The following AUTS2 variants were observed in gnomAD, a reference collection of about 807,000 sequenced individuals.
AUTS2 encodes the protein activator of transcription and developmental regulator AUTS2, also known as autism susceptibility gene 2 protein.
In AUTS2, 17 loss-of-function variants were observed where a neutral mutation model predicts 112.4. The ratio of observed to expected loss-of-function variants is 0.15; its 90% CI spans 0.10 to 0.23. AUTS2 has a LOEUF of 0.23. AUTS2 is among the 10% of genes least tolerant of loss of function. The pLI is 1.00. For missense variants in AUTS2, 1,510 were observed against 1,701.6 expected (o/e 0.89, Z 1.98); for synonymous variants, 751 against 702.7 (o/e 1.07, Z -1.09).
At chr7:70,129,616 A>C (rs1165970910) in intron 3 of AUTS2, among the ~76,000 whole-genome samples, 1 of 152,156 alleles carries the variant, frequency 6.6e-6, no homozygotes, top group Non-Finnish European at 1.5e-5. Flanking sequence ...ACTATGTTAA[A>C]AGGATTGGAG....
chr7:70,507,930 A>G (rs1799033147), intron 5 of AUTS2, among the ~76,000 whole-genome samples: 1 of 152,240 alleles, frequency 6.6e-6, no homozygotes, highest in South Asian at 2.1e-4. Context: ...TGTGGACACA[A>G]ATACCAAAAA....
chr7:70,754,557 T>C (rs573084525), intron 6 of AUTS2, among the ~76,000 whole-genome samples: 152 of 152,370 alleles, frequency 1.0e-3, no homozygotes, highest in Non-Finnish European at 1.7e-3. Flanking sequence ...AGAAATTTGA[T>C]ATTTCCATAT....
intron 5 of AUTS2, among the ~76,000 whole-genome samples, chr7:70,546,696 A>C (rs1286830371): frequency 2.0e-5 from 3 of 146,790 alleles, no homozygotes; most frequent in Non-Finnish European, 4.5e-5. Context: ...GGAGAATGGC[A>C]TGAACCCGGG....
At chr7:70,404,937 T>C (rs1794470477) in intron 4 of AUTS2, among the ~76,000 whole-genome samples, 1 of 152,196 alleles carries the variant, frequency 6.6e-6, no homozygotes, top group African/African-American at 2.4e-5. Context: ...AAGTTCCTGC[T>C]GCAATATAAA....
intron 5 of AUTS2, among the ~76,000 whole-genome samples, chr7:70,456,078 T>C (rs560182132): frequency 2.0e-5 from 3 of 152,332 alleles, no homozygotes; most frequent in South Asian, 2.1e-4. Flanking sequence ...AAGATGTTTA[T>C]GCACAGGTTA....
intron 5 of AUTS2, among the ~76,000 whole-genome samples, chr7:70,671,311 T>A (rs1807629054): frequency 6.6e-6 from 1 of 152,366 alleles, no homozygotes; most frequent in African/African-American, 2.4e-5. Context: ...ATAGCCTTCA[T>A]AAAATGACTT....
intron 5 of AUTS2, chr7:70,436,134 A>G: frequency 4.6e-6 from 1 of 218,800 alleles, no homozygotes; most frequent in Non-Finnish European, 9.0e-6. Flanking sequence ...TAAACTTGCT[A>G]GTTTGTGTTT....
chr7:69,925,446 T>C (rs932182676), intron 2 of AUTS2, among the ~76,000 whole-genome samples: 1 of 152,228 alleles, frequency 6.6e-6, no homozygotes. Context: ...GGTATTTTCA[T>C]TTTCATTCAG....
intron 6 of AUTS2, among the ~76,000 whole-genome samples, chr7:70,708,329 G>A (rs10275631): frequency 0.25 from 37,302 of 152,028 alleles, 5,242 homozygotes; most frequent in East Asian, 0.58. Flanking sequence ...TTTGACAAGG[G>A]GTCTTCTGAA....
At chr7:69,689,482 C>T (rs1761340759) in intron 1 of AUTS2, among the ~76,000 whole-genome samples, 1 of 148,942 alleles carries the variant, frequency 6.7e-6, no homozygotes, top group South Asian at 2.1e-4. Context: ...TTCCGAGTAG[C>T]TGGGACTACA....
intron 1 of AUTS2, among the ~76,000 whole-genome samples, chr7:69,610,309 G>C (rs1304529371): frequency 6.6e-6 from 1 of 152,216 alleles, no homozygotes; most frequent in Non-Finnish European, 1.5e-5. Flanking sequence ...ACTTCAATCA[G>C]AGAGGCTCTG....
intron 1 of AUTS2, among the ~76,000 whole-genome samples, chr7:69,730,104 G>A (rs1377552098): frequency 6.8e-6 from 1 of 146,570 alleles, no homozygotes; most frequent in African/African-American, 2.5e-5. Context: ...AGCCGCCTGT[G>A]TAGCTGGGAG....
At chr7:70,222,734 T>C (rs2129592851) in intron 4 of AUTS2, among the ~76,000 whole-genome samples, 1 of 152,204 alleles carries the variant, frequency 6.6e-6, no homozygotes, top group East Asian at 1.9e-4. Context: ...CCCCAAAGTG[T>C]GAAGACATCT....
At chr7:70,360,700 C>A (rs1175732680) in intron 4 of AUTS2, among the ~76,000 whole-genome samples, 1 of 152,130 alleles carries the variant, frequency 6.6e-6, no homozygotes, top group Admixed American at 6.5e-5. Flanking sequence ...TTCCCTGGCA[C>A]CCTTGCTAGT....
Position 70,791,159 on chromosome 7 carries a change from T to C in AUTS2, c.*163T>C, listed in dbSNP as rs1057189849. 4.6e-6 allele frequency: 3 copies of C among 651,744 alleles called. No individual in the cohort carries two copies. The highest frequency in any genetic ancestry group is 2.2e-6 in the Non-Finnish European group (1 of 450,116). 40.4% of individuals were successfully genotyped at this position (651,744 alleles called of 1,614,324 possible). On this transcript the variant is annotated 3_prime_UTR_variant, in exon 19 of 19. Coordinates refer to ENST00000342771, the MANE Select transcript of AUTS2 (RefSeq NM_015570.4). ...ACTCAGTGCACATTTTGAAATGTTT[T>C]GTATATTATATGTTGAGATTTTTCA...
chr7:70,092,840 G>C lies in AUTS2; in HGVS notation c.523-25292G>C, dbSNP rs1002486448. Among the ~76,000 whole-genome samples, 18 of 152,210 alleles carry C rather than the reference G, an allele frequency of 1.2e-4. 1 individual carries two copies. The highest frequency in any genetic ancestry group is 3.6e-4 in the African/African-American group (15 of 41,544). On this transcript the variant is annotated intron_variant, in intron 2 of 18. Transcript: ENST00000342771. Reference sequence around the variant, plus strand: ...TTATTCATCCACATCTCAGCTAGGAGCACCACTCGCGGGGCCCCCTCTCCA... The same window carrying C: ...TTATTCATCCACATCTCAGCTAGGACCACCACTCGCGGGGCCCCCTCTCCA...
chr7:69,699,102 T>C (rs1005984832), intron 1 of AUTS2, among the ~76,000 whole-genome samples: 3 of 152,222 alleles, frequency 2.0e-5, no homozygotes, highest in African/African-American at 7.2e-5. Context: ...TGGTCACTTA[T>C]AATTCTTGAA....
chr7:69,602,036 A>G (rs5007801), intron 1 of AUTS2, among the ~76,000 whole-genome samples: 2 of 17,974 alleles, frequency 1.1e-4, no homozygotes, highest in Non-Finnish European at 2.8e-4. Flanking sequence ...ATATATATAT[A>G]TATATGTGTG....
intron 2 of AUTS2, among the ~76,000 whole-genome samples, chr7:69,909,981 T>C (rs1795290317): frequency 6.6e-6 from 1 of 152,202 alleles, no homozygotes; most frequent in South Asian, 2.1e-4. Context: ...AAAGCAGTTT[T>C]GAAATACAAA....
Sources: allele counts gnomAD v4.1 joint callset (sites outside exome capture counted in the v4.1 genomes callset), GRCh38; gene constraint gnomAD v4.1.1; transcripts MANE v1.5; gene names NCBI Gene and HGNC (gene_info 2026-07-23, HGNC 2026-07-21).